The following ATG10 variants were observed in gnomAD, a reference collection of about 807,000 sequenced individuals.
ATG10 encodes the protein ubiquitin-like-conjugating enzyme ATG10.
Under a neutral mutation model 32.1 loss-of-function variants are expected in ATG10, and 30 were observed. The ratio of observed to expected loss-of-function variants is 0.94; its 90% CI spans 0.70 to 1.27. The LOEUF (loss-of-function observed/expected upper bound fraction) is 1.27. ATG10 is among the 50% of genes most tolerant of loss of function. The pLI is 0.00. For synonymous variants in ATG10, 87 were observed against 91.5 expected, an observed-to-expected ratio of 0.95 and a Z score of 0.28; for missense variants, 233 against 262.3, an observed-to-expected ratio of 0.89 and a Z score of 0.77.
intron 3 of ATG10, among the ~76,000 whole-genome samples, chr5:82,075,014 G>A (rs947304137): frequency 2.0e-4 from 31 of 152,310 alleles, no homozygotes; most frequent in African/African-American, 7.0e-4. Context: ...TCCTGATTGG[G>A]AGGAGAAACC....
At chr5:82,135,985 G>A (rs566386264) in intron 3 of ATG10, among the ~76,000 whole-genome samples, 2 of 152,088 alleles carry the variant, frequency 1.3e-5, no homozygotes, top group African/African-American at 4.8e-5. Flanking sequence ...GCCCTTCTTT[G>A]TCCTTTTGAT....
chr5:82,176,465 T>C (rs1365212484), intron 4 of ATG10, among the ~76,000 whole-genome samples: 4 of 152,192 alleles, frequency 2.6e-5, no homozygotes, highest in African/African-American at 7.2e-5. Context: ...AACTTTGACG[T>C]GTAAAAATTA....
intron 5 of ATG10, among the ~76,000 whole-genome samples, chr5:82,183,850 G>C (rs1426129782): frequency 6.6e-6 from 1 of 152,164 alleles, no homozygotes; most frequent in African/African-American, 2.4e-5. Flanking sequence ...TAAAAAATAT[G>C]TCTTTATGGA....
chr5:82,209,375 G>A (rs1169597498), intron 5 of ATG10, among the ~76,000 whole-genome samples: 1 of 152,102 alleles, frequency 6.6e-6, no homozygotes, highest in Non-Finnish European at 1.5e-5. Context: ...GCCTTTAGGA[G>A]GTGATTAGAT....
At position 82,255,350 on chromosome 5, in the gene ATG10, G is replaced by A. The variant is rs543288765; in HGVS notation, c.*1287G>A. 2.8e-4 allele frequency: 42 copies of A among 152,194 alleles called. 1 individual carries two copies. The highest frequency in any genetic ancestry group is 9.4e-4 in the African/African-American group (39 of 41,526). 9.4% of individuals were successfully genotyped at this position (152,194 alleles called of 1,614,324 possible). A position where few individuals can be genotyped will look rare whatever the true frequency, so the allele number is the denominator to read the frequency against. ...TGGTATTCACTAAGGCTGTAAATAAGTTTCATAGCCAGTTAAGTATTAAGA... is the reference window on the plus strand; with the variant it reads ...TGGTATTCACTAAGGCTGTAAATAAATTTCATAGCCAGTTAAGTATTAAGA... On this transcript the variant is annotated 3_prime_UTR_variant, in exon 8 of 8. Transcript: ENST00000282185.
chr5:82,044,140 T>C (rs535372714), intron 2 of ATG10, among the ~76,000 whole-genome samples: 5 of 152,132 alleles, frequency 3.3e-5, no homozygotes, highest in Admixed American at 6.5e-5. Context: ...CCAGGAAGCA[T>C]GACTGGAAGG....
intron 5 of ATG10, among the ~76,000 whole-genome samples, chr5:82,228,982 C>T (rs924778404): frequency 5.3e-5 from 8 of 152,282 alleles, no homozygotes; most frequent in Non-Finnish European, 8.8e-5. Context: ...GGCAGAAAGT[C>T]GATTTGACTT....
At chr5:82,231,032 A>C (rs976023399) in intron 5 of ATG10, among the ~76,000 whole-genome samples, 1 of 152,218 alleles carries the variant, frequency 6.6e-6, no homozygotes, top group African/African-American at 2.4e-5. Flanking sequence ...TGAAGCGTTC[A>C]TGAACTTCGT....
intron 5 of ATG10, among the ~76,000 whole-genome samples, chr5:82,204,761 C>G (rs1745217808): frequency 6.6e-6 from 1 of 152,118 alleles, no homozygotes; most frequent in South Asian, 2.1e-4. Context: ...ATGGATGATG[C>G]AATTCATAGA....
chr5:82,162,638 C>T (rs985743958), intron 3 of ATG10, among the ~76,000 whole-genome samples: 2 of 151,936 alleles, frequency 1.3e-5, no homozygotes, highest in Non-Finnish European at 2.9e-5. Context: ...CTATAATCAA[C>T]CTAAAATATC....
At chr5:82,245,875 T>C (rs941034038) in intron 5 of ATG10, among the ~76,000 whole-genome samples, 3 of 152,174 alleles carry the variant, frequency 2.0e-5, no homozygotes, top group Non-Finnish European at 4.4e-5. Flanking sequence ...TTAGAAAGCA[T>C]TGAGTGTTGA....
intron 3 of ATG10, chr5:82,147,665 CA>C (rs1767419845): frequency 6.6e-6 from 1 of 152,202 alleles, no homozygotes; most frequent in Admixed American, 6.5e-5. Context: ...GTTCAGGAGT[CA>C]GCCAGAGACT....
chr5:82,255,051 T>G lies in ATG10; in HGVS notation c.*988T>G, dbSNP rs1412330004. ...TTTTCTAAAAAGCTATAGGAGATAT[T>G]TAAACATTAAAATTTCTTTTTGACC... On this transcript the variant is annotated 3_prime_UTR_variant, in exon 8 of 8. Coordinates refer to ENST00000282185, the MANE Select transcript of ATG10 (RefSeq NM_031482.5). The G allele has an allele frequency of 6.6e-6, 1 of 152,156 alleles. No individual in the cohort carries two copies. Among genetic ancestry groups the G allele is most frequent in the African/African-American group, 2.4e-5 (1 of 41,428 alleles). 9.4% of individuals were successfully genotyped at this position (152,156 alleles called of 1,614,324 possible).
intron 2 of ATG10, among the ~76,000 whole-genome samples, chr5:82,043,450 G>A (rs184762458): frequency 6.6e-6 from 1 of 152,186 alleles, no homozygotes; most frequent in African/African-American, 2.4e-5. Flanking sequence ...CATTGTCTTG[G>A]TTATTAACAT....
intron 5 of ATG10, among the ~76,000 whole-genome samples, chr5:82,229,823 A>C (rs562045375): frequency 6.6e-6 from 1 of 152,266 alleles, no homozygotes; most frequent in African/African-American, 2.4e-5. Context: ...GGGTTTTGCT[A>C]TCTGTGGCAG....
At chr5:82,074,619 G>A (rs1441545430) in intron 3 of ATG10, among the ~76,000 whole-genome samples, 1 of 152,158 alleles carries the variant, frequency 6.6e-6, no homozygotes, top group Non-Finnish European at 1.5e-5. Context: ...AGCCAAGGCA[G>A]GTATGAGGCA....
chr5:82,016,933 G>A (rs759397404), intron 2 of ATG10, among the ~76,000 whole-genome samples: 19 of 152,100 alleles, frequency 1.2e-4, no homozygotes, highest in Non-Finnish European at 2.4e-4. Context: ...CTCGTGATCC[G>A]CGCACCTTAG....
At chr5:82,063,896 G>A (rs1380883709) in intron 3 of ATG10, among the ~76,000 whole-genome samples, 1 of 152,120 alleles carries the variant, frequency 6.6e-6, no homozygotes, top group Non-Finnish European at 1.5e-5. Context: ...TAATATCTGG[G>A]TGATGAAATA....
Position 82,119,133 on chromosome 5 carries a change from T to G in ATG10, c.217-45266T>G, listed in dbSNP as rs1258353192. On this transcript the variant is annotated intron_variant, in intron 3 of 7. Coordinates refer to ENST00000282185, the MANE Select transcript of ATG10 (RefSeq NM_031482.5). ...CCTATGAAATCCAAATAAAATTCCC[T>G]TTATTAATATGTTTCCATTTATAAA... Among the ~76,000 whole-genome samples, 6 of 152,310 alleles carry G rather than the reference T, an allele frequency of 3.9e-5. No individual in the cohort carries two copies. In the East Asian group the frequency reaches 7.7e-4, roughly 20 times the overall value.
Sources: allele counts gnomAD v4.1 joint callset (sites outside exome capture counted in the v4.1 genomes callset), GRCh38; gene constraint gnomAD v4.1.1; transcripts MANE v1.5; gene names NCBI Gene and HGNC (gene_info 2026-07-23, HGNC 2026-07-21).